Variants in ARL13A observed in about 807,000 individuals in gnomAD.
ARL13A encodes ADP-ribosylation factor-like protein 13A.
In ARL13A, 16 loss-of-function variants were observed where a neutral mutation model predicts 19.1. The observed-to-expected ratio is 0.84, with a 90% confidence interval of 0.57 to 1.27. The LOEUF is 1.27. Among genes scored for constraint, ARL13A ranks in the 50% most tolerant of loss-of-function variants. ARL13A has a pLI of 0.00. For missense variants in ARL13A, 153 were observed against 186.4 expected, an observed-to-expected ratio of 0.82 and a Z score of 1.04; for synonymous variants, 69 against 71.3, an observed-to-expected ratio of 0.97 and a Z score of 0.17.
intron 3 of ARL13A, 79 bp from the exon 4 acceptor site, chrX:100,985,588 G>C (rs987502101): frequency 9.0e-6 from 10 of 1,107,697 alleles, no homozygotes; most frequent in Non-Finnish European, 1.2e-5. Flanking sequence ...GCATGAAATC[G>C]GAACCGACTC....
intron 3 of ARL13A, among the ~76,000 whole-genome samples, chrX:100,981,008 A>G (rs1421789390): frequency 9.0e-6 from 1 of 111,676 alleles, no homozygotes; most frequent in Non-Finnish European, 1.9e-5. Context: ...CTCCTCCTGG[A>G]GCTGCAAGCT....
Position 100,987,395 on chromosome X carries a change from A to G in ARL13A, c.492A>G (p.Pro164=), listed in dbSNP as rs887469600. 3.3e-6 allele frequency: 4 copies of G among 1,210,153 alleles called. No individual in the cohort carries two copies. The highest frequency in any genetic ancestry group is 4.5e-6 in the Non-Finnish European group (4 of 895,204). ...KENKCPCRVE[P]CSAIRNLERR... ...TCTCTTCTCTTTTGTCACAGGAGCC[A>G]TGTTCAGCCATCAGAAACCTTGAAA... is the stretch of plus-strand genomic sequence containing the variant. The change falls in exon 6 of 8, where the codon CCA becomes CCG. Residue 164 remains proline (P), a synonymous_variant. Coordinates refer to ENST00000450049, the MANE Select transcript of ARL13A (RefSeq NM_001162491.2).
chrX:100,974,343 A>T (rs2085727863), intron 3 of ARL13A, 146 bp downstream of exon 3: 2 of 445,521 alleles, frequency 4.5e-6, no homozygotes, highest in African/African-American at 4.9e-5. Flanking sequence ...ACACGCACAC[A>T]CACACATACT....
rs189240515 is a variant in ARL13A at position 100,985,573 on chromosome X, C to A, written c.131-94C>A. 58 of 1,025,515 alleles carry A rather than the reference C, an allele frequency of 5.7e-5. No homozygotes were observed. In the East Asian group the frequency reaches 1.8e-3, roughly 32 times the overall value. The allele number at this position is 1,025,515 out of a possible 1,213,427, so 84.5% of individuals were successfully genotyped here. ...GCATAGTACTTCCCAGCAGGATAGA[C>A]AACTGCATGAAATCGGAACCGACTC... On this transcript the variant is annotated intron_variant, in intron 3 of 7. Transcript: ENST00000450049.
At chrX:100,983,684 C>T (rs1252893024) in intron 3 of ARL13A, among the ~76,000 whole-genome samples, 1 of 111,470 alleles carries the variant, frequency 9.0e-6, no homozygotes, top group Non-Finnish European at 1.9e-5. Context: ...TAGTCTAATA[C>T]AGATATAGCA....
In ARL13A at chrX:100,977,415, C is replaced by CTGT. The variant is rs1369305469; in HGVS notation, c.130+3221_130+3223dup. ...TTTTTTTTTGAGACGGAGTCTCGTT[C>CTGT]TGTTGCTCAGGCTGGAGTGCAGTGG... On this transcript the variant is annotated intron_variant, in intron 3 of 7. Transcript: ENST00000450049. Among the ~76,000 whole-genome samples the CTGT allele has an allele frequency of 2.1e-4, 17 of 81,765 alleles. 1 individual carries two copies. The highest frequency in any genetic ancestry group is 1.9e-4 in the Non-Finnish European group (9 of 46,312). The allele number at this position is 81,765 out of a possible 115,157, so 71.0% of individuals were successfully genotyped here. A position where few individuals can be genotyped will look rare whatever the true frequency, so the allele number is the denominator to read the frequency against.
At chrX:100,973,314 C>T (rs1280147690) in intron 1 of ARL13A, among the ~76,000 whole-genome samples, 4 of 92,086 alleles carry the variant, frequency 4.3e-5, no homozygotes, top group Admixed American at 3.6e-4. Flanking sequence ...GACGGGGTGG[C>T]GGCCGGGCAG....
chrX:100,984,118 G>GTT (rs768378066), intron 3 of ARL13A, among the ~76,000 whole-genome samples: 6 of 97,958 alleles, frequency 6.1e-5, no homozygotes, highest in South Asian at 4.6e-4. Flanking sequence ...TTTGTTTTTT[G>GTT]TTTTTTTTTT....
At chrX:100,990,392 G>T in intron 7 of ARL13A, 170 bp from the exon 8 acceptor site, 1 of 936,877 alleles carries the variant, frequency 1.1e-6, no homozygotes, top group East Asian at 4.3e-5. Context: ...GAAACCAAAA[G>T]AAACAGTTGA....
rs748429518 is a variant in ARL13A at position 100,985,615 on chromosome X, G to C, written c.131-52G>C. The C allele has an allele frequency of 1.4e-4, 163 of 1,167,010 alleles. 1 individual carries two copies. In the African/African-American group the frequency reaches 2.4e-3, roughly 17 times the overall value. Reference sequence around the variant, plus strand: ...AACCGACTCTACTCCTGTTAGATGAGTATGGAGTTTCGATCTAAGTGATTG... The same window carrying C: ...AACCGACTCTACTCCTGTTAGATGACTATGGAGTTTCGATCTAAGTGATTG... On this transcript the variant is annotated intron_variant, in intron 3 of 7. Transcript: ENST00000450049.
chrX:100,974,825 T>A (rs1470812582), intron 3 of ARL13A, among the ~76,000 whole-genome samples: 1 of 112,049 alleles, frequency 8.9e-6, no homozygotes, highest in Non-Finnish European at 1.9e-5. Flanking sequence ...CAGCACTGTC[T>A]GTCACAGGAT....
chrX:100,986,703 TTC>T, intron 4 of ARL13A, 91 bp from the exon 5 acceptor site: 1 of 520,199 alleles, frequency 1.9e-6, no homozygotes, highest in Non-Finnish European at 3.2e-6. Context: ...GTAGAATTTG[TTC>T]TCCTCCTCTT....
At position 100,974,149 on chromosome X, in the gene ARL13A, G is replaced by A; in HGVS notation, c.82G>A (p.Gly28Ser). 8.4e-7 allele frequency: 1 copy of A among 1,192,215 alleles called. No homozygotes were observed. Among genetic ancestry groups the A allele is most frequent in the Non-Finnish European group, 1.1e-6 (1 of 885,171 alleles). ...TRRNVTIPII[G>S]LNNSGKTVLV... ...TAGGAATGTGACCATCCCTATCATT[G>A]GCTTGAACAACTCTGGCAAAACTGT... is the stretch of plus-strand genomic sequence containing the variant. Residue 28 changes from glycine (G) to serine (S), a missense_variant, in exon 3 of 8, where the codon GGC becomes AGC. Transcript: ENST00000450049.
intron 7 of ARL13A, among the ~76,000 whole-genome samples, chrX:100,989,678 A>G (rs974938201): frequency 1.8e-5 from 2 of 112,101 alleles, no homozygotes; most frequent in Non-Finnish European, 3.8e-5. Flanking sequence ...TACAAAAATA[A>G]GCTATGAGGG....
chrX:100,974,431 T>C (rs1431509418), intron 3 of ARL13A, among the ~76,000 whole-genome samples: 1 of 109,819 alleles, frequency 9.1e-6, no homozygotes, highest in Non-Finnish European at 1.9e-5. Context: ...AGCCTGTTTA[T>C]GTAATGTCTG....
At chrX:100,987,612 T>C in intron 6 of ARL13A, 56 bp downstream of exon 6, 4 of 1,164,195 alleles carry the variant, frequency 3.4e-6, no homozygotes, top group Non-Finnish European at 4.6e-6. Context: ...GGATCAGTCT[T>C]TCTCACGAGC....
chrX:100,983,592 G>A (rs1386095641), intron 3 of ARL13A, among the ~76,000 whole-genome samples: 1 of 111,059 alleles, frequency 9.0e-6, no homozygotes, highest in African/African-American at 3.3e-5. Flanking sequence ...CCTGACCTCA[G>A]GTGATCTGCC....
chrX:100,985,969 A>C (rs866253387), intron 4 of ARL13A, 53 bp downstream of exon 4: 1 of 1,152,361 alleles, frequency 8.7e-7, no homozygotes, highest in Non-Finnish European at 1.2e-6. Context: ...TACCCTTAAA[A>C]GTATAGAAAT....
chrX:100,988,169 G>C (rs1266602397), intron 6 of ARL13A, 24 bp from the exon 7 acceptor site: 2 of 1,163,520 alleles, frequency 1.7e-6, no homozygotes, highest in African/African-American at 3.6e-5. Context: ...TTCTACTACT[G>C]CTGTCCTTTC....
Sources: allele counts gnomAD v4.1 joint callset (sites outside exome capture counted in the v4.1 genomes callset), GRCh38; gene constraint gnomAD v4.1.1; transcripts MANE v1.5; gene names NCBI Gene and HGNC (gene_info 2026-07-23, HGNC 2026-07-21).